Variants in TENM3 observed in about 807,000 individuals in gnomAD.
TENM3 encodes teneurin-3.
In TENM3, 63 loss-of-function variants were observed where a neutral mutation model predicts 255.1. The ratio of observed to expected loss-of-function variants is 0.25; its 90% CI spans 0.20 to 0.30. The LOEUF (loss-of-function observed/expected upper bound fraction) is 0.30. Among genes scored for constraint, TENM3 ranks in the 10% least tolerant of loss-of-function variants. The pLI, the probability that TENM3 is intolerant of heterozygous loss-of-function variation, is 1.00. For missense variants in TENM3, 2,929 were observed against 3,461.1 expected (o/e 0.85, Z 3.86); for synonymous variants, 1,306 against 1,322.3 (o/e 0.99, Z 0.27).
chr4:182,061,139 G>A, the TENM3 span, among the ~76,000 whole-genome samples: 3 of 152,160 alleles, frequency 2.0e-5, no homozygotes, highest in Admixed American at 6.5e-5. Context: ...AGAGCAGGGG[G>A]CCCGTTTGAG....
chr4:181,558,731 C>T, the TENM3 span, among the ~76,000 whole-genome samples: 3 of 152,090 alleles, frequency 2.0e-5, no homozygotes, highest in Non-Finnish European at 4.4e-5. Context: ...CATAGAAGAG[C>T]AAAGCTATAT....
chr4:181,623,227 C>G, the TENM3 span, among the ~76,000 whole-genome samples: 2 of 152,202 alleles, frequency 1.3e-5, no homozygotes, highest in Non-Finnish European at 2.9e-5. Flanking sequence ...AGTTACTTAA[C>G]CTCTCTGTGC....
At chr4:181,467,380 C>T in the TENM3 span, among the ~76,000 whole-genome samples, 1 of 151,154 alleles carries the variant, frequency 6.6e-6, no homozygotes, top group Non-Finnish European at 1.5e-5. Context: ...GGTGGTCCGC[C>T]TGCCTTGGCC....
intron 16 of TENM3, among the ~76,000 whole-genome samples, chr4:182,731,772 G>A (rs1760749725): frequency 6.8e-6 from 1 of 146,034 alleles, no homozygotes; most frequent in African/African-American, 2.5e-5. Flanking sequence ...AGGATATCTA[G>A]TTATTTCTTT....
At chr4:182,671,634 C>T (rs1755219999) in intron 6 of TENM3, among the ~76,000 whole-genome samples, 1 of 152,154 alleles carries the variant, frequency 6.6e-6, no homozygotes, top group South Asian at 2.1e-4. Context: ...TAGATAATCT[C>T]TAAGATTCTA....
At chr4:182,044,401 A>G in the TENM3 span, among the ~76,000 whole-genome samples, 8 of 152,350 alleles carry the variant, frequency 5.3e-5, 1 homozygote, top group South Asian at 1.4e-3. Flanking sequence ...AATGCTTTCC[A>G]GTGTGATTAT....
At chr4:182,134,762 A>G in the TENM3 span, among the ~76,000 whole-genome samples, 1 of 152,146 alleles carries the variant, frequency 6.6e-6, no homozygotes, top group Admixed American at 6.5e-5. Context: ...TCATCAGGTA[A>G]ACTAAAAATC....
intron 5 of TENM3, among the ~76,000 whole-genome samples, chr4:182,646,419 A>C (rs890228852): frequency 1.2e-4 from 19 of 152,138 alleles, no homozygotes; most frequent in African/African-American, 4.6e-4. Flanking sequence ...CAGGATGAAT[A>C]TTGGCACGAG....
chr4:182,202,968 C>A (rs1484885235), intron 1 of TENM3, among the ~76,000 whole-genome samples: 2 of 152,016 alleles, frequency 1.3e-5, no homozygotes, highest in Admixed American at 6.5e-5. Context: ...GTAATCCCAG[C>A]ACTTTGGGAG....
the TENM3 span, among the ~76,000 whole-genome samples, chr4:181,526,013 T>A: frequency 6.6e-6 from 1 of 152,232 alleles, no homozygotes; most frequent in Non-Finnish European, 1.5e-5. Context: ...GCACGTTTTC[T>A]AGAATCTCTC....
chr4:182,774,563 G>A (rs1764524737), intron 23 of TENM3, among the ~76,000 whole-genome samples: 2 of 152,182 alleles, frequency 1.3e-5, no homozygotes, highest in African/African-American at 2.4e-5. Flanking sequence ...AGACCTTGGA[G>A]GTGTGTACAC....
chr4:182,396,186 T>G (rs1768795957), intron 3 of TENM3, among the ~76,000 whole-genome samples: 1 of 152,224 alleles, frequency 6.6e-6, no homozygotes, highest in Non-Finnish European at 1.5e-5. Flanking sequence ...AGTCAGTTAT[T>G]CTGTTGCCTT....
At chr4:182,469,206 A>G (rs1045385379) in intron 3 of TENM3, among the ~76,000 whole-genome samples, 28 of 152,306 alleles carry the variant, frequency 1.8e-4, no homozygotes, top group African/African-American at 6.7e-4. Flanking sequence ...GAAAAACTAA[A>G]ACAAGCTGAG....
chr4:181,761,009 CACA>C, the TENM3 span, among the ~76,000 whole-genome samples: 1 of 142,896 alleles, frequency 7.0e-6, no homozygotes, highest in Non-Finnish European at 1.5e-5. Flanking sequence ...CACACACACA[CACA>C]CCCCGAATAA....
chr4:181,928,198 T>C, the TENM3 span, among the ~76,000 whole-genome samples: 1 of 151,916 alleles, frequency 6.6e-6, no homozygotes, highest in Admixed American at 6.6e-5. Context: ...TTAACAGAAG[T>C]AGGCTTCAGA....
the TENM3 span, among the ~76,000 whole-genome samples, chr4:181,469,420 A>C: frequency 1.3e-5 from 2 of 152,220 alleles, no homozygotes; most frequent in Non-Finnish European, 2.9e-5. Flanking sequence ...CTCAAATATA[A>C]TATTCCTACT....
the TENM3 span, among the ~76,000 whole-genome samples, chr4:181,929,751 C>T: frequency 1.3e-5 from 2 of 152,190 alleles, no homozygotes; most frequent in African/African-American, 2.4e-5. Context: ...CCACATTGCA[C>T]TTATTCTAAA....
At chr4:181,507,647 A>G in the TENM3 span, among the ~76,000 whole-genome samples, 2 of 152,188 alleles carry the variant, frequency 1.3e-5, no homozygotes, top group Admixed American at 6.5e-5. Context: ...TTGTTCTCAC[A>G]TGTTGCTTAA....
chr4:181,695,884 C>T, the TENM3 span, among the ~76,000 whole-genome samples: 1 of 151,708 alleles, frequency 6.6e-6, no homozygotes, highest in African/African-American at 2.4e-5. Context: ...GTATTACTGA[C>T]TGTATTCTTT....
Sources: allele counts gnomAD v4.1 joint callset (sites outside exome capture counted in the v4.1 genomes callset), GRCh38; gene constraint gnomAD v4.1.1; transcripts MANE v1.5; gene names NCBI Gene and HGNC (gene_info 2026-07-23, HGNC 2026-07-21).